The following SELENON variants were observed in gnomAD, a reference collection of about 807,000 sequenced individuals.
The protein encoded by SELENON is selenoprotein N, 1.
A neutral mutation model predicts 59.5 loss-of-function variants in SELENON; 44 were observed. The observed-to-expected ratio is 0.74, with a 90% confidence interval of 0.58 to 0.95. SELENON has a LOEUF of 0.95. Ranked by LOEUF, SELENON falls within the 40% of genes least tolerant of loss-of-function variation. The probability of loss-of-function intolerance (pLI) is 0.00; values close to 1 mark genes in which losing one functional copy is unlikely to be tolerated. For synonymous variants in SELENON, 320 were observed against 305.6 expected (o/e 1.05, Z -0.49); for missense variants, 674 against 721.4 (o/e 0.93, Z 0.75).
Position 25,809,698 on chromosome 1 carries a change from C to T in SELENON, c.888C>T (p.Phe296=). 6.2e-7 allele frequency: 1 copy of T among 1,614,074 alleles called. No homozygotes were observed. Among genetic ancestry groups the T allele is most frequent in the South Asian group, 1.1e-5 (1 of 91,092 alleles). The change falls in exon 7 of 13, where the codon TTC becomes TTT. Residue 296 remains phenylalanine (F), a synonymous_variant. Transcript: ENST00000361547. Reference sequence around the variant, plus strand: ...TTCCCCACAGGATCCATGCCGAGTTCCAGCTCAGTGAGCCGCCCGACTTCC... The same window carrying T: ...TTCCCCACAGGATCCATGCCGAGTTTCAGCTCAGTGAGCCGCCCGACTTCC...
chr1:25,813,780 T>C, intron 10 of SELENON, 101 bp from the exon 10 acceptor site: 1 of 837,288 alleles, frequency 1.2e-6, no homozygotes, highest in East Asian at 2.4e-5. Context: ...GTTATTTCAC[T>C]TGGGTGCAGA....
chr1:25,815,440 G>A, intron 12 of SELENON, 108 bp from the exon 12 acceptor site: 1 of 954,474 alleles, frequency 1.0e-6, no homozygotes, highest in Admixed American at 1.8e-5. Context: ...CCTCAGACAA[G>A]GACAGTCAAG....
intron 10 of SELENON, chr1:25,813,670 C>A: frequency 1.4e-5 from 9 of 636,664 alleles, no homozygotes; most frequent in Non-Finnish European, 2.3e-5. Flanking sequence ...CCAGGTAGAA[C>A]CCCTAACCCT....
intron 6 of SELENON, 89 bp from the exon 6 acceptor site, chr1:25,809,594 C>T: frequency 6.3e-7 from 1 of 1,584,630 alleles, no homozygotes; most frequent in Non-Finnish European, 8.6e-7. Flanking sequence ...CACACTCAGC[C>T]TCCTCTCCCT....
rs1319643846 is a variant in SELENON, at chr1:25,800,329, G to A, written c.99G>A (p.Leu33=). Residue 33 remains leucine (L), a synonymous_variant, in exon 1 of 13, where the codon CTG becomes CTA. Coordinates refer to ENST00000361547, the MANE Select transcript of SELENON (RefSeq NM_020451.3). ...GCCGCCGCGCCCGTTCCCTGGCGCTGCTCGGAGCCCTGCTGGCCGCCGCCG... is the reference window on the plus strand; with the variant it reads ...GCCGCCGCGCCCGTTCCCTGGCGCTACTCGGAGCCCTGCTGGCCGCCGCCG... The A allele has an allele frequency of 2.0e-6, 2 of 1,011,170 alleles. No individual in the cohort carries two copies. Among genetic ancestry groups the A allele is most frequent in the South Asian group, 8.4e-5 (2 of 23,938 alleles). The allele number at this position is 1,011,170 out of a possible 1,614,324, so 62.6% of individuals were successfully genotyped here.
chr1:25,802,855 A>G (rs1375544998), intron 3 of SELENON, among the ~76,000 whole-genome samples: 3 of 152,196 alleles, frequency 2.0e-5, no homozygotes, highest in Non-Finnish European at 4.4e-5. Context: ...TTGGACACCT[A>G]CTTATTACCC....
intron 3 of SELENON, among the ~76,000 whole-genome samples, chr1:25,804,805 C>G (rs932923484): frequency 2.0e-5 from 3 of 152,128 alleles, no homozygotes; most frequent in Non-Finnish European, 4.4e-5. Flanking sequence ...CCCAGAAGAC[C>G]TAGAAAAGGG....
At position 25,811,721 on chromosome 1, in the gene SELENON, C is replaced by T. The variant is rs1379278116; in HGVS notation, c.1123C>T (p.Pro375Ser). The T allele has an allele frequency of 6.2e-7, 1 of 1,607,254 alleles. No individual in the cohort carries two copies. The highest frequency in any genetic ancestry group is 8.5e-7 in the Non-Finnish European group (1 of 1,177,174). ...GCTGGAGGCCACGGGCCCCTCTGTG[C>T]CCTCCGTGATCCTGGATGAGGATGG... The change falls in exon 9 of 13, where the codon CCC becomes TCC. Residue 375 changes from proline (P) to serine (S), a missense_variant. Coordinates refer to ENST00000361547, the MANE Select transcript of SELENON (RefSeq NM_020451.3).
intron 3 of SELENON, among the ~76,000 whole-genome samples, chr1:25,804,493 C>T (rs533873313): frequency 1.5e-4 from 23 of 151,230 alleles, no homozygotes; most frequent in Admixed American, 9.2e-4. Flanking sequence ...TTGAAATAGG[C>T]GTCATTTGTC....
rs1386434021 is a variant in SELENON at position 25,808,675 on chromosome 1, C to T, written c.633C>T (p.Pro211=). ...CCCGCCACTTCCAGCCCTTCCTTCC[C>T]CCGCCAGGCCAGGAGCTGGGTGAGC... Residue 211 remains proline (P), a synonymous_variant, in exon 5 of 13, where the codon CCC becomes CCT. Coordinates refer to ENST00000361547, the MANE Select transcript of SELENON (RefSeq NM_020451.3). 3 of 1,614,028 alleles carry T rather than the reference C, an allele frequency of 1.9e-6. No homozygotes were observed. Among genetic ancestry groups the T allele is most frequent in the African/African-American group, 1.3e-5 (1 of 74,940 alleles).
In SELENON at chr1:25,809,951, A is replaced by C. The variant is rs1008800214; in HGVS notation, c.1010+131A>C. 6.6e-6 allele frequency: 8 copies of C among 1,220,418 alleles called. No homozygotes were observed. In the African/African-American group the frequency reaches 1.0e-4, roughly 16 times the overall value. 75.6% of individuals were successfully genotyped at this position (1,220,418 alleles called of 1,614,324 possible). A position where few individuals can be genotyped will look rare whatever the true frequency, so the allele number is the denominator to read the frequency against. On this transcript the variant is annotated intron_variant, in intron 7 of 12. Coordinates refer to ENST00000361547, the MANE Select transcript of SELENON (RefSeq NM_020451.3). ...CCCCAGAGCCCATCTCATGGGGCTG[A>C]CGTGGCAGGAGGCGGCATGAGGCAG... is the stretch of plus-strand genomic sequence containing the variant.
At chr1:25,806,050 C>T (rs115183232) in intron 4 of SELENON, among the ~76,000 whole-genome samples, 4,501 of 152,360 alleles carry the variant, frequency 0.03, 107 homozygotes, top group Non-Finnish European at 0.045. Context: ...GTTCCCTCTG[C>T]CAGGAACACT....
intron 10 of SELENON, 42 bp from the exon 10 acceptor site, chr1:25,813,839 G>C: frequency 6.6e-7 from 1 of 1,506,140 alleles, no homozygotes; most frequent in Non-Finnish European, 9.2e-7. Context: ...TTGCACCCCA[G>C]CAAGATGTGG....
intron 2 of SELENON, 125 bp downstream of exon 2, chr1:25,801,285 G>A: frequency 5.2e-6 from 4 of 768,660 alleles, no homozygotes; most frequent in Non-Finnish European, 9.3e-6. Flanking sequence ...ACTCCTCCCA[G>A]CTCTGACACT....
In SELENON at chr1:25,805,216, G is replaced by T; in HGVS notation, c.478G>T (p.Ala160Ser). The T allele has an allele frequency of 6.2e-7, 1 of 1,614,172 alleles. No homozygotes were observed. Among genetic ancestry groups the T allele is most frequent in the Non-Finnish European group, 8.5e-7 (1 of 1,180,030 alleles). ...TAGCGAGGAGACGCTCACCATAGAA[G>T]CCCGATTCCAGCCTCTGCTCCCGGA... The change falls in exon 4 of 13, where the codon GCC becomes TCC. Residue 160 changes from alanine (A) to serine (S), a missense_variant. Physicochemically the swap from Ala to Ser is moderately conservative, Grantham distance 99 (BLOSUM62 1). Transcript: ENST00000361547.
At chr1:25,802,756 T>C (rs1352575355) in intron 3 of SELENON, among the ~76,000 whole-genome samples, 1 of 152,242 alleles carries the variant, frequency 6.6e-6, no homozygotes, top group Non-Finnish European at 1.5e-5. Flanking sequence ...TAATGAATTA[T>C]AAAACGCTTC....
chr1:25,810,597 C>T (rs1404504410), intron 7 of SELENON, among the ~76,000 whole-genome samples: 3 of 152,234 alleles, frequency 2.0e-5, no homozygotes, highest in Non-Finnish European at 4.4e-5. Flanking sequence ...GGCCTGTTTC[C>T]TCATCTGCCG....
At chr1:25,812,564 AACACAC>A (rs59333545) in intron 9 of SELENON, 117 bp from the exon 9 acceptor site, 7,258 of 573,400 alleles carry the variant, frequency 0.013, 45 homozygotes, top group African/African-American at 0.042. Flanking sequence ...CCTACACACA[AACACAC>A]ACACACACAC....
intron 3 of SELENON, among the ~76,000 whole-genome samples, chr1:25,804,569 G>T (rs1161019919): frequency 1.3e-5 from 2 of 150,244 alleles, no homozygotes; most frequent in African/African-American, 4.9e-5. Flanking sequence ...TCTCTGAGCA[G>T]GAAAAGATCC....
Sources: gnomAD v4.1 joint callset for allele counts (sites outside exome capture counted in the v4.1 genomes callset) on GRCh38, gnomAD v4.1.1 for gene constraint, MANE v1.5 for transcripts, NCBI Gene and HGNC (gene_info 2026-07-23, HGNC 2026-07-21) for gene names.